The following POU2F1 variants were observed in gnomAD, a reference collection of about 807,000 sequenced individuals.
POU2F1 encodes the protein POU class 2 homeobox 1.
POU2F1 carries 16 observed loss-of-function variants against 84.9 expected under a neutral mutation model. The observed-to-expected ratio is 0.19, with a 90% confidence interval of 0.13 to 0.29. POU2F1 has a LOEUF of 0.29. POU2F1 is among the 10% of genes least tolerant of loss of function. The pLI is 1.00. For synonymous variants in POU2F1, 368 were observed against 368.3 expected (o/e 1.00, Z 0.01); for missense variants, 738 against 942.6 (o/e 0.78, Z 2.84).
intron 2 of POU2F1, among the ~76,000 whole-genome samples, chr1:167,357,157 C>T (rs1658992829): frequency 6.6e-6 from 1 of 152,078 alleles, no homozygotes; most frequent in Non-Finnish European, 1.5e-5. Flanking sequence ...TCCTAGTGGG[C>T]AAGGGAAGAG....
chr1:167,378,380 C>T (rs1660471009), intron 7 of POU2F1, among the ~76,000 whole-genome samples: 1 of 149,892 alleles, frequency 6.7e-6, no homozygotes, highest in African/African-American at 2.5e-5. Flanking sequence ...GGATTACAGG[C>T]ATGCGCCACC....
chr1:167,261,616 A>G (rs1651573833), intron 1 of POU2F1, among the ~76,000 whole-genome samples: 1 of 152,162 alleles, frequency 6.6e-6, no homozygotes, highest in Non-Finnish European at 1.5e-5. Flanking sequence ...TCTCCACTCA[A>G]TTTCCCATGG....
chr1:167,404,145 G>T (rs145226463), intron 13 of POU2F1, among the ~76,000 whole-genome samples: 2,610 of 151,164 alleles, frequency 0.017, 31 homozygotes, highest in Non-Finnish European at 0.025. Context: ...TTTTCAATGT[G>T]AATTAATGTA....
Position 167,426,632 on chromosome 1 carries a change from AATT to A in POU2F1, c.*10823_*10825del, listed in dbSNP as rs1402661031. 6.6e-6 allele frequency: 1 copy of A among 151,726 alleles called. No homozygotes were observed. Among genetic ancestry groups the A allele is most frequent in the Non-Finnish European group, 1.5e-5 (1 of 67,920 alleles). The allele number at this position is 151,726 out of a possible 1,614,324, so 9.4% of individuals were successfully genotyped here. A position where few individuals can be genotyped will look rare whatever the true frequency, so the allele number is the denominator to read the frequency against. On this transcript the variant is annotated 3_prime_UTR_variant, in exon 16 of 16. Coordinates refer to ENST00000367866, the MANE Select transcript of POU2F1 (RefSeq NM_002697.4). Reference sequence around the variant, plus strand: ...TTCTTCCTTTTTTGTCTTAATTATTAATTCAGGGGTGTTTGTCCACTGTTGTCA... The same window carrying A: ...TTCTTCCTTTTTTGTCTTAATTATTACAGGGGTGTTTGTCCACTGTTGTCA...
intron 1 of POU2F1, among the ~76,000 whole-genome samples, chr1:167,297,421 C>T (rs1044745608): frequency 3.3e-5 from 5 of 152,172 alleles, no homozygotes; most frequent in African/African-American, 1.2e-4. Context: ...TTGCTTTACC[C>T]TCATGGTTGC....
In POU2F1 at chr1:167,389,621, C is replaced by T; in HGVS notation, c.847C>T (p.Pro283Ser). The change falls in exon 9 of 16, where the codon CCA becomes TCA. Residue 283 changes from proline to serine, a missense_variant. Coordinates refer to ENST00000367866, the MANE Select transcript of POU2F1 (RefSeq NM_002697.4). The stretch of plus-strand genomic sequence containing the variant: ...CCCAACACGCACAATAGCAGCAACC[C>T]CAATTCAGACACTTCCACAGAGCCA... ...ATPTRTIAAT[P>S]IQTLPQSQST... is the part of the protein sequence containing the mutation. 1 of 1,614,154 alleles carries T rather than the reference C, an allele frequency of 6.2e-7. No individual in the cohort carries two copies. Among genetic ancestry groups the T allele is most frequent in the Non-Finnish European group, 8.5e-7 (1 of 1,180,012 alleles).
Position 167,243,962 on chromosome 1 carries a change from T to C in POU2F1, c.61+23004T>C, listed in dbSNP as rs904679817. On this transcript the variant is annotated intron_variant, in intron 1 of 15. Coordinates refer to ENST00000367866, the MANE Select transcript of POU2F1 (RefSeq NM_002697.4). Reference sequence around the variant, plus strand: ...TATCCGTAGCTGCCCTCCACAAATATGGATAATGGACCGAGAGTAGACTGT... The same window carrying C: ...TATCCGTAGCTGCCCTCCACAAATACGGATAATGGACCGAGAGTAGACTGT... Among the ~76,000 whole-genome samples, 6 of 152,176 alleles carry C rather than the reference T, an allele frequency of 3.9e-5. No individual in the cohort carries two copies. In the East Asian group the frequency reaches 5.8e-4, roughly 15 times the overall value.
chr1:167,231,671 G>C (rs1330432490), intron 1 of POU2F1, among the ~76,000 whole-genome samples: 1 of 152,138 alleles, frequency 6.6e-6, no homozygotes, highest in Non-Finnish European at 1.5e-5. Context: ...AATGTATATT[G>C]GTCAGTTGGG....
chr1:167,366,060 A>G (rs1659668160), intron 3 of POU2F1, among the ~76,000 whole-genome samples: 1 of 152,074 alleles, frequency 6.6e-6, no homozygotes, highest in Non-Finnish European at 1.5e-5. Context: ...CTCTGCCTCA[A>G]CTTTATTACC....
Position 167,426,451 on chromosome 1 carries a change from A to G in POU2F1, c.*10641A>G, listed in dbSNP as rs1298343653. 1 of 152,232 alleles carries G rather than the reference A, an allele frequency of 6.6e-6. No individual in the cohort carries two copies. The highest frequency in any genetic ancestry group is 1.5e-5 in the Non-Finnish European group (1 of 68,040). 9.4% of individuals were successfully genotyped at this position (152,232 alleles called of 1,614,324 possible). A position where few individuals can be genotyped will look rare whatever the true frequency, so the allele number is the denominator to read the frequency against. ...ATGAAAAAAGTTCTGAGTGTACATA[A>G]TATTCAATAATAATCTCCCACCAGG... is the stretch of plus-strand genomic sequence containing the variant. On this transcript the variant is annotated 3_prime_UTR_variant, in exon 16 of 16. Transcript: ENST00000367866.
intron 2 of POU2F1, among the ~76,000 whole-genome samples, chr1:167,360,883 AT>A (rs1659310609): frequency 6.6e-6 from 1 of 152,006 alleles, no homozygotes; most frequent in Admixed American, 6.5e-5. Flanking sequence ...ACAGTGTTTT[AT>A]AGTACTCATA....
chr1:167,378,012 C>T lies in POU2F1; in HGVS notation c.718+1857C>T, dbSNP rs564625264. Among the ~76,000 whole-genome samples the T allele has an allele frequency of 4.8e-4, 73 of 152,222 alleles. 1 individual carries two copies. Among genetic ancestry groups the T allele is most frequent in the African/African-American group, 1.2e-3 (48 of 41,506 alleles). ...TGTGAATAGTGCTGCAATTAACATACGCATGGGTATGTGTCTTTATGGCAG... is the reference window on the plus strand; with the variant it reads ...TGTGAATAGTGCTGCAATTAACATATGCATGGGTATGTGTCTTTATGGCAG... On this transcript the variant is annotated intron_variant, in intron 7 of 15. Coordinates refer to ENST00000367866, the MANE Select transcript of POU2F1 (RefSeq NM_002697.4).
intron 2 of POU2F1, among the ~76,000 whole-genome samples, chr1:167,360,721 A>G (rs567407953): frequency 6.6e-6 from 1 of 152,128 alleles, no homozygotes; most frequent in African/African-American, 2.4e-5. Flanking sequence ...TTTTCTAATT[A>G]TGTAAAAAAA....
At chr1:167,413,844 A>AC (rs1394864223) in intron 15 of POU2F1, among the ~76,000 whole-genome samples, 1 of 152,056 alleles carries the variant, frequency 6.6e-6, no homozygotes, top group Non-Finnish European at 1.5e-5. Flanking sequence ...ATTAATTAGA[A>AC]TTTTTTTCTT....
rs1448665325 is a variant in POU2F1 at position 167,417,489 on chromosome 1, A to G, written c.*1679A>G. ...GAAGAGGAATAAGGGTAACTTGGAG[A>G]TTAAATTCCTTTTTTTGTCAGTGTA... On this transcript the variant is annotated 3_prime_UTR_variant, in exon 16 of 16. Transcript: ENST00000367866. 7 of 152,232 alleles carry G rather than the reference A, an allele frequency of 4.6e-5. No individual in the cohort carries two copies. Among genetic ancestry groups the G allele is most frequent in the Non-Finnish European group, 8.8e-5 (6 of 68,048 alleles). The allele number at this position is 152,232 out of a possible 1,614,324, so 9.4% of individuals were successfully genotyped here. A position where few individuals can be genotyped will look rare whatever the true frequency, so the allele number is the denominator to read the frequency against.
chr1:167,279,061 C>T (rs918715805), intron 1 of POU2F1, among the ~76,000 whole-genome samples: 1 of 152,170 alleles, frequency 6.6e-6, no homozygotes, highest in Admixed American at 6.5e-5. Flanking sequence ...CCATGTTCTT[C>T]CATTTCCTTC....
chr1:167,330,484 A>G (rs956154192), intron 1 of POU2F1, among the ~76,000 whole-genome samples: 11 of 152,206 alleles, frequency 7.2e-5, no homozygotes, highest in Non-Finnish European at 1.5e-4. Context: ...ACAATTCAAA[A>G]AAAGGAAAGA....
At chr1:167,321,041 G>C (rs908237563) in intron 1 of POU2F1, among the ~76,000 whole-genome samples, 2 of 152,128 alleles carry the variant, frequency 1.3e-5, no homozygotes, top group South Asian at 4.1e-4. Flanking sequence ...CCCAAGTAGG[G>C]GTAAAGAGTA....
chr1:167,330,880 T>TC (rs1162647395), intron 1 of POU2F1, among the ~76,000 whole-genome samples: 1 of 152,132 alleles, frequency 6.6e-6, no homozygotes, highest in Non-Finnish European at 1.5e-5. Context: ...GATCATTTTT[T>TC]CCACTTTCCT....
Sources: gnomAD v4.1 joint callset for allele counts (sites outside exome capture counted in the v4.1 genomes callset) on GRCh38, gnomAD v4.1.1 for gene constraint, MANE v1.5 for transcripts, NCBI Gene and HGNC (gene_info 2026-07-23, HGNC 2026-07-21) for gene names.